CSMD1: variants seen among roughly 807,000 people sequenced by gnomAD.
CSMD1 encodes CUB and Sushi multiple domains 1, also known as CUB and sushi domain-containing protein 1.
Under a neutral mutation model 417.5 loss-of-function variants are expected in CSMD1, and 213 were observed. The ratio of observed to expected loss-of-function variants is 0.51; its 90% CI spans 0.46 to 0.57. The LOEUF (loss-of-function observed/expected upper bound fraction) is 0.57, where lower values mean the gene tolerates loss of function less well. Ranked by LOEUF, CSMD1 falls within the 20% of genes least tolerant of loss-of-function variation. The pLI is 0.00. For missense variants in CSMD1, 6,923 were observed against 4,529.7 expected (o/e 1.53, Z -15.17); for synonymous variants, 2,862 against 1,736.8 (o/e 1.65, Z -16.11).
At chr8:4,949,694 G>T (rs1195615059) in intron 1 of CSMD1, among the ~76,000 whole-genome samples, 1 of 152,116 alleles carries the variant, frequency 6.6e-6, no homozygotes, top group Non-Finnish European at 1.5e-5. Context: ...GTTATTATGA[G>T]AATTTTAATG....
intron 5 of CSMD1, among the ~76,000 whole-genome samples, chr8:3,767,457 AGCT>A (rs1798340743): frequency 6.6e-6 from 1 of 152,212 alleles, no homozygotes; most frequent in Non-Finnish European, 1.5e-5. Context: ...GCAGACTGCA[AGCT>A]GCTGCTGTTC....
chr8:4,677,428 C>T (rs765792972), intron 1 of CSMD1, among the ~76,000 whole-genome samples: 5 of 151,972 alleles, frequency 3.3e-5, no homozygotes, highest in Admixed American at 6.6e-5. Flanking sequence ...CTCTCTCTCT[C>T]GTTCTCTCTC....
intron 2 of CSMD1, among the ~76,000 whole-genome samples, chr8:4,609,239 A>G (rs1223905160): frequency 1.3e-5 from 2 of 152,168 alleles, no homozygotes; most frequent in Non-Finnish European, 2.9e-5. Flanking sequence ...GTATCTACAA[A>G]AAAATGAAAA....
intron 33 of CSMD1, among the ~76,000 whole-genome samples, chr8:3,190,426 T>C (rs1796345648): frequency 6.6e-6 from 1 of 152,158 alleles, no homozygotes; most frequent in South Asian, 2.1e-4. Flanking sequence ...ATAAAAAGAC[T>C]CAGTGCCTTA....
intron 3 of CSMD1, among the ~76,000 whole-genome samples, chr8:4,329,855 CA>C (rs1238905490): frequency 8.8e-6 from 1 of 113,252 alleles, no homozygotes; most frequent in African/African-American, 8.3e-5. Flanking sequence ...TGCTTACACA[CA>C]CACACACACA....
At chr8:4,625,004 G>A (rs989787995) in intron 2 of CSMD1, among the ~76,000 whole-genome samples, 15 of 152,232 alleles carry the variant, frequency 9.9e-5, no homozygotes, top group African/African-American at 3.1e-4. Flanking sequence ...TTTATTCAGC[G>A]TGCTTGCCGC....
intron 11 of CSMD1, among the ~76,000 whole-genome samples, chr8:3,470,333 T>G (rs1170092536): frequency 1.3e-5 from 2 of 152,212 alleles, no homozygotes; most frequent in Admixed American, 1.3e-4. Flanking sequence ...ATGATTAACA[T>G]TTCTAAATTC....
chr8:4,737,610 G>C (rs1368682358), intron 1 of CSMD1, among the ~76,000 whole-genome samples: 1 of 152,040 alleles, frequency 6.6e-6, no homozygotes, highest in African/African-American at 2.4e-5. Flanking sequence ...CTTTATACTA[G>C]CACTATATTT....
intron 5 of CSMD1, among the ~76,000 whole-genome samples, chr8:3,812,321 C>T (rs890890309): frequency 1.3e-5 from 2 of 152,108 alleles, no homozygotes; most frequent in Non-Finnish European, 2.9e-5. Flanking sequence ...TGAGCTTTGC[C>T]TCTCAATGAG....
At chr8:4,296,992 T>G (rs1282706534) in intron 3 of CSMD1, among the ~76,000 whole-genome samples, 1 of 152,000 alleles carries the variant, frequency 6.6e-6, no homozygotes, top group Non-Finnish European at 1.5e-5. Context: ...TGCAAAGAAG[T>G]ACAAAGACAG....
At chr8:3,121,129 T>C (rs1817180332) in intron 41 of CSMD1, among the ~76,000 whole-genome samples, 1 of 152,140 alleles carries the variant, frequency 6.6e-6, no homozygotes, top group Non-Finnish European at 1.5e-5. Flanking sequence ...ATGCCAGTGA[T>C]GAAATGTCAT....
intron 5 of CSMD1, among the ~76,000 whole-genome samples, chr8:3,901,569 C>G (rs1357262684): frequency 6.6e-6 from 1 of 152,182 alleles, no homozygotes; most frequent in Non-Finnish European, 1.5e-5. Context: ...AAAGTAGAGT[C>G]CTCATTCGGA....
intron 28 of CSMD1, among the ~76,000 whole-genome samples, chr8:3,222,450 G>C (rs930500080): frequency 6.6e-6 from 1 of 151,944 alleles, no homozygotes; most frequent in African/African-American, 2.4e-5. Flanking sequence ...GCTAGAACCA[G>C]AGGAATACAC....
At chr8:4,411,978 A>G (rs1329794616) in intron 3 of CSMD1, among the ~76,000 whole-genome samples, 2 of 137,846 alleles carry the variant, frequency 1.5e-5, no homozygotes, top group Admixed American at 7.7e-5. Context: ...GTACACAGCA[A>G]CATAGCTAAG....
chr8:3,564,218 T>C (rs539604696), intron 10 of CSMD1, among the ~76,000 whole-genome samples: 7 of 152,206 alleles, frequency 4.6e-5, no homozygotes, highest in African/African-American at 1.7e-4. Flanking sequence ...ATTTTCCTAC[T>C]CTACTATTGA....
At chr8:4,275,268 G>A (rs1387539175) in intron 3 of CSMD1, among the ~76,000 whole-genome samples, 12 of 152,034 alleles carry the variant, frequency 7.9e-5, no homozygotes, top group Non-Finnish European at 1.8e-4. Context: ...AAAGCAATAT[G>A]ACTTCTCTTT....
intron 4 of CSMD1, among the ~76,000 whole-genome samples, chr8:4,026,078 C>A (rs1364093053): frequency 2.0e-5 from 3 of 151,458 alleles, no homozygotes; most frequent in Admixed American, 2.0e-4. Context: ...TTTGGGGAAG[C>A]AGAATATATA....
chr8:4,417,252 A>C (rs184165301), intron 3 of CSMD1, among the ~76,000 whole-genome samples: 57 of 152,132 alleles, frequency 3.7e-4, no homozygotes, highest in South Asian at 1.2e-3. Context: ...GAACACGTTG[A>C]TTACACTATT....
At chr8:3,287,466 C>T (rs1298471976) in intron 25 of CSMD1, among the ~76,000 whole-genome samples, 1 of 152,098 alleles carries the variant, frequency 6.6e-6, no homozygotes, top group African/African-American at 2.4e-5. Context: ...TTTGTATCCT[C>T]TTTTATTTCC....
Sources: allele counts gnomAD v4.1 joint callset (sites outside exome capture counted in the v4.1 genomes callset), GRCh38; gene constraint gnomAD v4.1.1; transcripts MANE v1.5; gene names NCBI Gene and HGNC (gene_info 2026-07-23, HGNC 2026-07-21).